The following MAP2K2 variants were observed in gnomAD, a reference collection of about 807,000 sequenced individuals.
MAP2K2 encodes the protein mitogen-activated protein kinase kinase 2.
Under a neutral mutation model 43.7 loss-of-function variants are expected in MAP2K2, and 24 were observed. The observed-to-expected ratio is 0.55, with a 90% confidence interval of 0.40 to 0.77. The LOEUF (loss-of-function observed/expected upper bound fraction) is 0.77. Among genes scored for constraint, MAP2K2 ranks in the 30% least tolerant of loss-of-function variants. The probability of loss-of-function intolerance (pLI) is 0.00; values close to 1 mark genes in which losing one functional copy is unlikely to be tolerated. For synonymous variants in MAP2K2, 244 were observed against 239.7 expected, an observed-to-expected ratio of 1.02 and a Z score of -0.17; for missense variants, 470 against 566.8, an observed-to-expected ratio of 0.83 and a Z score of 1.73.
chr19:4,109,239 T>C (rs2041126170), intron 3 of MAP2K2, among the ~76,000 whole-genome samples: 1 of 152,166 alleles, frequency 6.6e-6, no homozygotes, highest in African/African-American at 2.4e-5. Flanking sequence ...CTTCTCCTTT[T>C]GTTCCACCCA....
chr19:4,104,429 TG>T (rs1341424078), intron 3 of MAP2K2, among the ~76,000 whole-genome samples: 1 of 151,956 alleles, frequency 6.6e-6, no homozygotes, highest in Non-Finnish European at 1.5e-5. Flanking sequence ...GGTGCACGCC[TG>T]TAGTCCCAGC....
chr19:4,113,134 C>T (rs1280761127), intron 2 of MAP2K2, among the ~76,000 whole-genome samples: 1 of 152,086 alleles, frequency 6.6e-6, no homozygotes, highest in Non-Finnish European at 1.5e-5. Context: ...CTGGCCGTCG[C>T]AAGTCGTAAT....
chr19:4,108,011 T>C (rs2041107922), intron 3 of MAP2K2, among the ~76,000 whole-genome samples: 1 of 152,178 alleles, frequency 6.6e-6, no homozygotes, highest in South Asian at 2.1e-4. Context: ...AGCTGCCCCT[T>C]TGCCTCACTG....
chr19:4,099,830 G>A (rs2040975501), intron 6 of MAP2K2: 1 of 272,012 alleles, frequency 3.7e-6, no homozygotes, highest in Non-Finnish European at 7.1e-6. Flanking sequence ...ATTAACTAAG[G>A]GCCGGGTGCA....
At chr19:4,102,519 C>A in intron 3 of MAP2K2, 66 bp from the exon 4 acceptor site, 1 of 1,244,280 alleles carries the variant, frequency 8.0e-7, no homozygotes, top group Non-Finnish European at 1.1e-6. Flanking sequence ...GGATGCGTCC[C>A]CCCACTCCCG....
At chr19:4,117,699 G>C (rs892135530) in intron 1 of MAP2K2, 70 bp from the exon 2 acceptor site, 1 of 1,393,460 alleles carries the variant, frequency 7.2e-7, no homozygotes, top group Non-Finnish European at 1.0e-6. Flanking sequence ...CTATGTGGCC[G>C]TGGTGCATCG....
intron 6 of MAP2K2, 151 bp from the exon 7 acceptor site, chr19:4,099,565 C>T (rs2040972003): frequency 1.5e-6 from 1 of 681,296 alleles, no homozygotes. Context: ...TACCTCCCGG[C>T]TCACCCACCC....
At chr19:4,108,126 C>T (rs569347418) in intron 3 of MAP2K2, among the ~76,000 whole-genome samples, 61 of 152,314 alleles carry the variant, frequency 4.0e-4, no homozygotes, top group African/African-American at 1.4e-3. Flanking sequence ...GGAGAGAATT[C>T]ACAGGGCCGG....
chr19:4,107,231 A>G (rs1007501629), intron 3 of MAP2K2, among the ~76,000 whole-genome samples: 3 of 151,974 alleles, frequency 2.0e-5, no homozygotes, highest in Non-Finnish European at 4.4e-5. Context: ...TCCCATATCT[A>G]CAAAAAAACT....
chr19:4,097,524 T>A (rs568294442), intron 7 of MAP2K2, among the ~76,000 whole-genome samples, 181 bp from the exon 8 acceptor site: 1 of 152,114 alleles, frequency 6.6e-6, no homozygotes, highest in East Asian at 1.9e-4. Context: ...TTCCATTCCC[T>A]GGGACAGCTA....
At chr19:4,109,029 T>A (rs1431628832) in intron 3 of MAP2K2, among the ~76,000 whole-genome samples, 1 of 152,092 alleles carries the variant, frequency 6.6e-6, no homozygotes, top group African/African-American at 2.4e-5. Flanking sequence ...CTTGCTCGGG[T>A]CACATGGCTA....
intron 1 of MAP2K2, among the ~76,000 whole-genome samples, chr19:4,119,011 C>A (rs1427292705): frequency 6.6e-6 from 1 of 152,116 alleles, no homozygotes; most frequent in Non-Finnish European, 1.5e-5. Flanking sequence ...TCTTCTAGTA[C>A]CCATGTTTAA....
At chr19:4,107,776 C>T (rs920103610) in intron 3 of MAP2K2, among the ~76,000 whole-genome samples, 12 of 152,056 alleles carry the variant, frequency 7.9e-5, no homozygotes, top group Admixed American at 3.3e-4. Context: ...GAGGAAACAG[C>T]GTAGAAATAC....
At chr19:4,113,161 C>T (rs1250414103) in intron 2 of MAP2K2, among the ~76,000 whole-genome samples, 3 of 152,050 alleles carry the variant, frequency 2.0e-5, no homozygotes, top group East Asian at 1.9e-4. Context: ...GAGGAAGTGG[C>T]GGATGGGCTA....
chr19:4,110,733 A>C lies in MAP2K2; in HGVS notation c.304-78T>G, dbSNP rs2041144332. 3 of 1,519,192 alleles carry C rather than the reference A, an allele frequency of 2.0e-6. No individual in the cohort carries two copies. The East Asian group carries it at 6.8e-5, about 35-fold the overall frequency. 94.1% of individuals were successfully genotyped at this position (1,519,192 alleles called of 1,614,324 possible). ...AAGGCATTTGGGGCCTCTGCTCTGC[A>C]GGCGTTCCCAACAGTGGTCAAGACC... On this transcript the variant is annotated intron_variant, in intron 2 of 10. Transcript: ENST00000262948.
rs1479729318 is a variant in MAP2K2 at position 4,101,466 on chromosome 19, CTGTGCTGGCG to C, written c.529-196_529-187del. 6.6e-6 allele frequency among the ~76,000 whole-genome samples: 1 copy of C among 152,198 alleles called. No homozygotes were observed. The highest frequency in any genetic ancestry group is 1.5e-5 in the Non-Finnish European group (1 of 68,026). On this transcript the variant is annotated intron_variant, in intron 4 of 10. Coordinates refer to ENST00000262948, the MANE Select transcript of MAP2K2 (RefSeq NM_030662.4). This position sits in a 1 kb window ranked among gnomAD's most constrained non-coding sequence, Gnocchi z 6.3. ...CAGAGACGAGACAGTGCTGACAGCC[CTGTGCTGGCG>C]TGTGCAAGTCAACCCCGGTTCCCAT... is the stretch of plus-strand genomic sequence containing the variant.
At chr19:4,108,954 C>T (rs1406703366) in intron 3 of MAP2K2, among the ~76,000 whole-genome samples, 1 of 152,312 alleles carries the variant, frequency 6.6e-6, no homozygotes, top group South Asian at 2.1e-4. Context: ...CGTGACTCTG[C>T]GAGCAGCGGG....
intron 10 of MAP2K2, 129 bp downstream of exon 10, chr19:4,094,324 C>T (rs950608032): frequency 5.9e-6 from 6 of 1,011,292 alleles, no homozygotes; most frequent in Non-Finnish European, 9.0e-6. Flanking sequence ...GCCTGGCACA[C>T]CCGGCCTGCC....
At chr19:4,107,541 A>C (rs866895878) in intron 3 of MAP2K2, among the ~76,000 whole-genome samples, 34 of 151,148 alleles carry the variant, frequency 2.2e-4, no homozygotes, top group Middle Eastern at 3.4e-3. Flanking sequence ...AAAAAAAAAA[A>C]AAAAACAAAC....
Sources: gnomAD v4.1 joint callset for allele counts (sites outside exome capture counted in the v4.1 genomes callset) on GRCh38, gnomAD v4.1.1 for gene constraint, Gnocchi (gnomAD v3.1) non-coding constraint, MANE v1.5 for transcripts, NCBI Gene and HGNC (gene_info 2026-07-23, HGNC 2026-07-21) for gene names.